Variants in CNTN3 observed in about 807,000 individuals in gnomAD.
CNTN3 encodes contactin-3.
CNTN3 carries 60 observed loss-of-function variants against 119.1 expected under a neutral mutation model. The ratio of observed to expected loss-of-function variants is 0.50; its 90% confidence interval spans 0.41 to 0.62. The LOEUF (loss-of-function observed/expected upper bound fraction) is 0.62. Among genes scored for constraint, CNTN3 ranks in the 20% least tolerant of loss-of-function variants. The pLI, the probability that CNTN3 is intolerant of heterozygous loss-of-function variation, is 0.00. For synonymous variants in CNTN3, 450 were observed against 438.7 expected, an observed-to-expected ratio of 1.03 and a Z score of -0.32; for missense variants, 1,101 against 1,242.4, an observed-to-expected ratio of 0.89 and a Z score of 1.71.
intron 14 of CNTN3, among the ~76,000 whole-genome samples, chr3:74,302,474 C>T (rs901843270): frequency 7.9e-5 from 12 of 152,140 alleles, no homozygotes; most frequent in Non-Finnish European, 2.9e-5. Flanking sequence ...CTGTGGAATG[C>T]CAATTACAGT....
chr3:74,567,151 T>A (rs1014370393), intron 1 of CNTN3, among the ~76,000 whole-genome samples: 1 of 151,924 alleles, frequency 6.6e-6, no homozygotes, highest in African/African-American at 2.4e-5. Context: ...TTCTTTTTTT[T>A]AATTTATTTG....
At chr3:74,336,888 C>T (rs773467982) in intron 11 of CNTN3, among the ~76,000 whole-genome samples, 3 of 151,758 alleles carry the variant, frequency 2.0e-5, no homozygotes, top group Non-Finnish European at 4.4e-5. Context: ...CCAATTTGAA[C>T]TTTGTTCAGT....
At chr3:74,316,307 A>G (rs2106654964) in intron 13 of CNTN3, among the ~76,000 whole-genome samples, 1 of 152,306 alleles carries the variant, frequency 6.6e-6, no homozygotes, top group East Asian at 1.9e-4. Flanking sequence ...CACCAGTAAG[A>G]ATGGCTTTTG....
intron 1 of CNTN3, among the ~76,000 whole-genome samples, chr3:74,601,733 T>A (rs964189040): frequency 6.6e-6 from 1 of 152,088 alleles, no homozygotes; most frequent in African/African-American, 2.4e-5. Context: ...TCCCCACCCT[T>A]GACTTGGGTT....
intron 1 of CNTN3, among the ~76,000 whole-genome samples, chr3:74,566,596 G>A (rs1470801529): frequency 6.6e-6 from 1 of 152,066 alleles, no homozygotes; most frequent in East Asian, 1.9e-4. Context: ...CCTCTTCCCT[G>A]TGTCTCCTCT....
intron 16 of CNTN3, 120 bp from the exon 17 acceptor site, chr3:74,300,058 C>T (rs1034915492): frequency 1.1e-5 from 6 of 523,342 alleles, no homozygotes; most frequent in African/African-American, 9.7e-5. Flanking sequence ...ATGATTCATA[C>T]ATATGGGTGT....
At chr3:74,401,090 G>A (rs1705178725) in intron 5 of CNTN3, among the ~76,000 whole-genome samples, 1 of 152,128 alleles carries the variant, frequency 6.6e-6, no homozygotes, top group Non-Finnish European at 1.5e-5. Flanking sequence ...TCGTGGCCTT[G>A]TAATGGAGAA....
Position 74,369,261 on chromosome 3 carries a change from C to T in CNTN3, c.874G>A (p.Ala292Thr), listed in dbSNP as rs370041595. 2.5e-6 allele frequency: 4 copies of T among 1,611,614 alleles called. No individual in the cohort carries two copies. The highest frequency in any genetic ancestry group is 2.2e-5 in the East Asian group (1 of 44,712). Residue 292 changes from alanine to threonine, a missense_variant, in exon 8 of 23, where the codon GCA becomes ACA. Transcript: ENST00000263665. ...TCAGCAATGCATTCATAGGAACCTG[C>T]ATCTTCCTGTTGGAAGTTGGGGATT... ...LEIPNFQQED[A>T]GSYECIAENS...
rs144265316 is a variant in CNTN3, at chr3:74,431,136, T to C, written c.359-6196A>G. On this transcript the variant is annotated intron_variant, in intron 4 of 22. Coordinates refer to ENST00000263665, the MANE Select transcript of CNTN3 (RefSeq NM_020872.3). ...TTGATACACGTCTGTTAATTTTCTA[T>C]ATTGGGCCAGGTTTTCTATTGCCTA... Among the ~76,000 whole-genome samples the C allele has an allele frequency of 2.1e-3, 324 of 152,326 alleles. 1 individual carries two copies. Among genetic ancestry groups the C allele is most frequent in the African/African-American group, 7.4e-3 (308 of 41,566 alleles).
chr3:74,367,061 A>T (rs998925678), intron 8 of CNTN3, among the ~76,000 whole-genome samples: 6 of 151,494 alleles, frequency 4.0e-5, no homozygotes. Flanking sequence ...CATAACTGCC[A>T]CATCAATTCT....
chr3:74,605,388 A>G (rs1466703371), intron 1 of CNTN3, among the ~76,000 whole-genome samples: 1 of 152,158 alleles, frequency 6.6e-6, no homozygotes, highest in Non-Finnish European at 1.5e-5. Flanking sequence ...ATCATGTTGT[A>G]TACAATAAAT....
intron 11 of CNTN3, among the ~76,000 whole-genome samples, chr3:74,342,736 T>C (rs982861852): frequency 7.9e-5 from 12 of 152,208 alleles, no homozygotes; most frequent in African/African-American, 2.9e-4. Context: ...TGACAATGAC[T>C]GAATAGTTTT....
At chr3:74,322,749 C>A (rs1361584731) in intron 13 of CNTN3, among the ~76,000 whole-genome samples, 1 of 152,114 alleles carries the variant, frequency 6.6e-6, no homozygotes, top group Non-Finnish European at 1.5e-5. Context: ...CCAATATATC[C>A]TTTAGTAGAT....
rs531082436 is a variant in CNTN3, at chr3:74,540,526, G to A, written c.-80-19334C>T. Among the ~76,000 whole-genome samples the A allele has an allele frequency of 6.6e-5, 10 of 151,652 alleles. No homozygotes were observed. In the South Asian group the frequency reaches 8.3e-4, roughly 13 times the overall value. On this transcript the variant is annotated intron_variant, in intron 1 of 22. Coordinates refer to ENST00000263665, the MANE Select transcript of CNTN3 (RefSeq NM_020872.3). Reference sequence around the variant, plus strand: ...TTTGTTGAATATTTACTTACTATACGTCAGCATCTACACAAAGTGCTTTAT... The same window carrying A: ...TTTGTTGAATATTTACTTACTATACATCAGCATCTACACAAAGTGCTTTAT...
At chr3:74,311,859 A>G (rs1702691941) in intron 13 of CNTN3, among the ~76,000 whole-genome samples, 1 of 152,220 alleles carries the variant, frequency 6.6e-6, no homozygotes, top group Admixed American at 6.5e-5. Flanking sequence ...TCAGACAGAC[A>G]GGTGGATACA....
intron 13 of CNTN3, among the ~76,000 whole-genome samples, chr3:74,321,615 C>A (rs1235475799): frequency 1.3e-5 from 2 of 151,980 alleles, no homozygotes; most frequent in Non-Finnish European, 2.9e-5. Flanking sequence ...AAAGCTGATT[C>A]TTTGAAAAGA....
chr3:74,468,445 A>G (rs1702503394), intron 4 of CNTN3, among the ~76,000 whole-genome samples: 3 of 152,310 alleles, frequency 2.0e-5, no homozygotes, highest in Non-Finnish European at 2.9e-5. Flanking sequence ...TTAGATGCTC[A>G]GTTCCCAGGC....
At chr3:74,267,037 T>G (rs1701674796) in intron 21 of CNTN3, among the ~76,000 whole-genome samples, 1 of 152,118 alleles carries the variant, frequency 6.6e-6, no homozygotes, top group Non-Finnish European at 1.5e-5. Flanking sequence ...AACACACAAT[T>G]TGGAGACATT....
chr3:74,436,294 A>G (rs911395106), intron 4 of CNTN3, among the ~76,000 whole-genome samples: 1 of 152,164 alleles, frequency 6.6e-6, no homozygotes, highest in Admixed American at 6.5e-5. Flanking sequence ...CGGAAACTGC[A>G]TTTTAGGTCT....
Sources: gnomAD v4.1 joint callset for allele counts (sites outside exome capture counted in the v4.1 genomes callset) on GRCh38, gnomAD v4.1.1 for gene constraint, MANE v1.5 for transcripts, NCBI Gene and HGNC (gene_info 2026-07-23, HGNC 2026-07-21) for gene names.